GTF2A1L: variants seen among roughly 807,000 people sequenced by gnomAD.
GTF2A1L encodes TFIIA-alpha and beta-like factor.
A neutral mutation model predicts 49.7 loss-of-function variants in GTF2A1L; 48 were observed. The observed-to-expected ratio is 0.97, with a 90% CI of 0.77 to 1.23. The LOEUF (loss-of-function observed/expected upper bound fraction) is 1.23. Ranked by LOEUF, GTF2A1L falls within the 50% of genes most tolerant of loss-of-function variation. The pLI, the probability that GTF2A1L is intolerant of heterozygous loss-of-function variation, is 0.00. For missense variants in GTF2A1L, 736 were observed against 564.8 expected, an observed-to-expected ratio of 1.30 and a Z score of -3.07; for synonymous variants, 246 against 193.5, an observed-to-expected ratio of 1.27 and a Z score of -2.25.
Position 48,644,096 on chromosome 2 carries a change from C to CA in GTF2A1L, c.304-937_304-936insA, listed in dbSNP as rs1409181001. On this transcript the variant is annotated intron_variant, in intron 4 of 8. Transcript: ENST00000403751. Reference sequence around the variant, plus strand: ...TGAGGCAAAAGGATCACTTGAGCCTCGTAATTGGAGATTACAGTGAGTTAT... The same window carrying CA: ...TGAGGCAAAAGGATCACTTGAGCCTCAGTAATTGGAGATTACAGTGAGTTAT... Among the ~76,000 whole-genome samples, 5 of 152,176 alleles carry CA rather than the reference C, an allele frequency of 3.3e-5. No homozygotes were observed. In the South Asian group the frequency reaches 8.3e-4, roughly 25 times the overall value.
chr2:48,673,456 G>A (rs576235866), intron 8 of GTF2A1L, among the ~76,000 whole-genome samples: 5 of 143,972 alleles, frequency 3.5e-5, no homozygotes, highest in South Asian at 4.5e-4. Context: ...TCCGCCTCCC[G>A]GGTTCAAAGG....
At chr2:48,624,910 C>CTG (rs1292183367) in intron 3 of GTF2A1L, among the ~76,000 whole-genome samples, 18 of 143,286 alleles carry the variant, frequency 1.3e-4, no homozygotes, top group African/African-American at 3.0e-4. Flanking sequence ...TCATATTCCT[C>CTG]TGTGTGTGTG....
chr2:48,662,157 C>T (rs546701941), intron 6 of GTF2A1L, among the ~76,000 whole-genome samples: 15 of 152,214 alleles, frequency 9.9e-5, no homozygotes, highest in East Asian at 1.9e-4. Context: ...AAAGTTTACT[C>T]GTTTACAACT....
intron 8 of GTF2A1L, 76 bp downstream of exon 8, chr2:48,671,756 T>C: frequency 7.4e-7 from 1 of 1,359,566 alleles, no homozygotes; most frequent in Non-Finnish European, 1.0e-6. Context: ...TGATGGGAAA[T>C]AAGATGAAGA....
intron 7 of GTF2A1L, among the ~76,000 whole-genome samples, chr2:48,671,009 A>C (rs1326416240): frequency 6.6e-6 from 1 of 151,918 alleles, no homozygotes; most frequent in Non-Finnish European, 1.5e-5. Flanking sequence ...TTTAGTAGAG[A>C]TGGGGTTTCA....
At chr2:48,649,140 G>A (rs143526827) in intron 6 of GTF2A1L, among the ~76,000 whole-genome samples, 1 of 152,182 alleles carries the variant, frequency 6.6e-6, no homozygotes, top group Admixed American at 6.5e-5. Flanking sequence ...TTCTTTGTCT[G>A]AATTTGACTC....
chr2:48,648,309 G>A (rs1392526303), intron 6 of GTF2A1L, among the ~76,000 whole-genome samples: 1 of 151,968 alleles, frequency 6.6e-6, no homozygotes, highest in Non-Finnish European at 1.5e-5. Flanking sequence ...TGATTTTGAG[G>A]TAAAACTAAC....
chr2:48,664,948 G>T (rs144297920), intron 6 of GTF2A1L, among the ~76,000 whole-genome samples: 1 of 151,944 alleles, frequency 6.6e-6, no homozygotes, highest in Non-Finnish European at 1.5e-5. Context: ...TGAGACAGAG[G>T]CTCACTCTGT....
intron 6 of GTF2A1L, chr2:48,668,472 A>G (rs1318784516): frequency 6.6e-6 from 1 of 152,162 alleles, no homozygotes; most frequent in African/African-American, 2.4e-5. Flanking sequence ...CATTTTATTG[A>G]TCTTTGTCCT....
chr2:48,620,386 T>C (rs968021656), intron 1 of GTF2A1L, among the ~76,000 whole-genome samples: 1 of 152,172 alleles, frequency 6.6e-6, no homozygotes, highest in African/African-American at 2.4e-5. Flanking sequence ...ATATTGGGAA[T>C]AGGAATGTAC....
chr2:48,650,844 G>A (rs180949321), intron 6 of GTF2A1L, among the ~76,000 whole-genome samples: 8 of 152,204 alleles, frequency 5.3e-5, no homozygotes, highest in Admixed American at 3.3e-4. Flanking sequence ...TTAAATTCCT[G>A]TTAAGAATTA....
chr2:48,650,866 C>T (rs900951764), intron 6 of GTF2A1L, among the ~76,000 whole-genome samples: 3 of 152,018 alleles, frequency 2.0e-5, no homozygotes, highest in African/African-American at 7.3e-5. Flanking sequence ...AGAAAATATG[C>T]CCTGCCATTA....
chr2:48,674,997 G>A (rs1480498807), intron 8 of GTF2A1L, among the ~76,000 whole-genome samples: 1 of 152,078 alleles, frequency 6.6e-6, no homozygotes, highest in Non-Finnish European at 1.5e-5. Flanking sequence ...CCAAAAGAAT[G>A]TATCTAAAGG....
rs551847744 is a variant in GTF2A1L at position 48,634,357 on chromosome 2, T to C, written c.248-8045T>C. Among the ~76,000 whole-genome samples, 3 of 152,292 alleles carry C rather than the reference T, an allele frequency of 2.0e-5. No homozygotes were observed. The South Asian group carries it at 6.2e-4, about 32-fold the overall frequency. On this transcript the variant is annotated intron_variant, in intron 3 of 8. Coordinates refer to ENST00000403751, the MANE Select transcript of GTF2A1L (RefSeq NM_006872.5). Reference sequence around the variant, plus strand: ...AACTCCTTACCTCAAGTGATCTGCCTGCCTCGGCCTCCCAAAGTGTTGGGA... The same window carrying C: ...AACTCCTTACCTCAAGTGATCTGCCCGCCTCGGCCTCCCAAAGTGTTGGGA...
chr2:48,656,478 C>T (rs1678183585), intron 6 of GTF2A1L, among the ~76,000 whole-genome samples: 1 of 151,088 alleles, frequency 6.6e-6, no homozygotes, highest in Admixed American at 6.6e-5. Flanking sequence ...GTTCTTCTGG[C>T]CACTTGTATG....
At chr2:48,650,871 C>A (rs1249079655) in intron 6 of GTF2A1L, among the ~76,000 whole-genome samples, 2 of 152,056 alleles carry the variant, frequency 1.3e-5, no homozygotes, top group African/African-American at 4.8e-5. Context: ...ATATGCCCTG[C>A]CATTACAATT....
intron 6 of GTF2A1L, among the ~76,000 whole-genome samples, chr2:48,669,273 A>G (rs1679039627): frequency 6.6e-6 from 1 of 152,198 alleles, no homozygotes. Flanking sequence ...AAGTGGAATC[A>G]TGTAAGATTT....
chr2:48,664,939 G>A (rs1040492065), intron 6 of GTF2A1L, among the ~76,000 whole-genome samples: 11 of 151,772 alleles, frequency 7.2e-5, no homozygotes, highest in Non-Finnish European at 1.2e-4. Context: ...TTTATTTATT[G>A]AGACAGAGGC....
chr2:48,665,316 C>G (rs1160622500), intron 6 of GTF2A1L, among the ~76,000 whole-genome samples: 5 of 142,606 alleles, frequency 3.5e-5, no homozygotes, highest in Admixed American at 6.9e-5. Flanking sequence ...TTTAATTTCA[C>G]TTTTTTTCCC....
Sources: gnomAD v4.1 joint callset for allele counts (sites outside exome capture counted in the v4.1 genomes callset) on GRCh38, gnomAD v4.1.1 for gene constraint, MANE v1.5 for transcripts, NCBI Gene and HGNC (gene_info 2026-07-23, HGNC 2026-07-21) for gene names.